P2RY8: variants seen among roughly 807,000 people sequenced by gnomAD.
P2RY8 encodes the protein P2Y receptor family member 8.
Under a neutral mutation model 10.0 loss-of-function variants are expected in P2RY8, and 6 were observed. The observed-to-expected ratio is 0.60, with a 90% CI of 0.33 to 1.19. The LOEUF is 1.19. Among genes scored for constraint, P2RY8 ranks in the 50% most tolerant of loss-of-function variants. The pLI is 0.04. For synonymous variants in P2RY8, 276 were observed against 252.5 expected (o/e 1.09, Z -0.88); for missense variants, 456 against 542.0 (o/e 0.84, Z 1.58).
chrX:1,506,526 G>A (rs868413214), intron 1 of P2RY8, among the ~76,000 whole-genome samples: 2 of 152,072 alleles, frequency 1.3e-5, no homozygotes, highest in Non-Finnish European at 2.9e-5. Flanking sequence ...AGGAGTCCAG[G>A]AAAGAAAGAA....
At chrX:1,493,109 G>C (rs1251384413) in intron 1 of P2RY8, among the ~76,000 whole-genome samples, 1 of 150,758 alleles carries the variant, frequency 6.6e-6, no homozygotes, top group Admixed American at 6.7e-5. Context: ...AACATAGTGA[G>C]ACCCCATCTC....
chrX:1,490,184 A>G (rs2092030218), intron 1 of P2RY8, among the ~76,000 whole-genome samples: 1 of 144,034 alleles, frequency 6.9e-6, no homozygotes, highest in Non-Finnish European at 1.5e-5. Flanking sequence ...GAATGAATGA[A>G]TGATACCCCA....
In P2RY8 at chrX:1,514,721, C is replaced by CCCTT. The variant is rs1381809706; in HGVS notation, c.-25+22196_-25+22199dup. ...TTCCCTTCCTTCCCTTCCTTCCCTTCCCTTCCCTTCCTTCCCTTCCTTCCC... is the reference window on the plus strand; with the variant it reads ...TTCCCTTCCTTCCCTTCCTTCCCTTCCCTTCCTTCCCTTCCTTCCCTTCCTTCCC... On this transcript the variant is annotated intron_variant, in intron 1 of 1. Transcript: ENST00000381297. Among the ~76,000 whole-genome samples, 4 of 2,690 alleles carry CCCTT rather than the reference C, an allele frequency of 1.5e-3. 1 individual carries two copies. Among genetic ancestry groups the CCCTT allele is most frequent in the African/African-American group, 2.5e-3 (4 of 1,616 alleles). 1.8% of individuals were successfully genotyped at this position (2,690 alleles called of 152,430 possible).
intron 1 of P2RY8, among the ~76,000 whole-genome samples, chrX:1,502,637 G>T (rs1569537795): frequency 1.3e-5 from 2 of 152,336 alleles, no homozygotes; most frequent in East Asian, 3.9e-4. Flanking sequence ...CCTGAGCCCT[G>T]CTATTTGGGG....
rs1236889023 is a variant in P2RY8 at position 1,464,660 on chromosome X, G to A, written c.*819C>T. On this transcript the variant is annotated 3_prime_UTR_variant, in exon 2 of 2. Coordinates refer to ENST00000381297, the MANE Select transcript of P2RY8 (RefSeq NM_178129.5). ...TGTCCTGAGTCAGGGAAGCCTGAGT[G>A]TGTTCCAGGGGCCTGATGGGACCTC... The A allele has an allele frequency of 8.6e-6, 2 of 233,410 alleles. No individual in the cohort carries two copies. The highest frequency in any genetic ancestry group is 1.7e-5 in the Non-Finnish European group (2 of 118,184). 14.5% of individuals were successfully genotyped at this position (233,410 alleles called of 1,614,324 possible).
At chrX:1,525,283 T>C (rs145463253) in intron 1 of P2RY8, among the ~76,000 whole-genome samples, 243 of 152,324 alleles carry the variant, frequency 1.6e-3, no homozygotes, top group African/African-American at 5.6e-3. Flanking sequence ...TATTTGGAAA[T>C]AGGATCTTTG....
chrX:1,508,914 C>A (rs1476524053), intron 1 of P2RY8, among the ~76,000 whole-genome samples: 2 of 150,712 alleles, frequency 1.3e-5, no homozygotes, highest in African/African-American at 4.9e-5. Flanking sequence ...TGTATCCATC[C>A]ATTCATTGTA....
rs2091665279 is a variant in P2RY8 at position 1,465,884 on chromosome X, C to G, written c.675G>C (p.Glu225Asp). 3 of 1,612,486 alleles carry G rather than the reference C, an allele frequency of 1.9e-6. No homozygotes were observed. Among genetic ancestry groups the G allele is most frequent in the Non-Finnish European group, 2.5e-6 (3 of 1,179,698 alleles). Residue 225 changes from glutamate to aspartate, a missense_variant, in exon 2 of 2, where the codon GAG becomes GAC. Glu to Asp is a conservative substitution (Grantham distance 45, BLOSUM62 2). Transcript: ENST00000381297. ...GCCTCCGCTGCTCCCGGCCGTGCGCCTCCTCCGTGCGCAACAGCTTGAGGA... is the reference window on the plus strand; with the variant it reads ...GCCTCCGCTGCTCCCGGCCGTGCGCGTCCTCCGTGCGCAACAGCTTGAGGA... The part of the protein sequence containing the change: ...ATILKLLRTE[E>D]AHGREQRRRA...
intron 1 of P2RY8, among the ~76,000 whole-genome samples, chrX:1,481,563 GA>G (rs1313349534): frequency 1.1e-5 from 1 of 91,292 alleles, no homozygotes; most frequent in Non-Finnish European, 2.1e-5. Flanking sequence ...TTGGGTTTAG[GA>G]GAGTCCAGCT....
chrX:1,468,940 TCCTCTCCCCTCTCC>T (rs1367484275), intron 1 of P2RY8, among the ~76,000 whole-genome samples: 1 of 614 alleles, frequency 1.6e-3, no homozygotes, highest in Non-Finnish European at 2.5e-3. Flanking sequence ...CTTCCCTCTC[TCCTCTCCCCTCTCC>T]CCTCTCCCCT....
At chrX:1,493,443 G>GGAGGGAGGGA (rs2092084303) in intron 1 of P2RY8, among the ~76,000 whole-genome samples, 1 of 101,622 alleles carries the variant, frequency 9.8e-6, no homozygotes, top group Non-Finnish European at 2.1e-5. Flanking sequence ...AGGGAAGGAG[G>GGAGGGAGGGA]AGGAAGGAGG....
At position 1,466,589 on chromosome X, in the gene P2RY8, G is replaced by C. The variant is rs1478869320; in HGVS notation, c.-24-7C>G. On this transcript the variant is annotated splice_region_variant and splice_polypyrimidine_tract_variant and intron_variant, in intron 1 of 1. Transcript: ENST00000381297. ...AGGGGTCCTCGCCCGGGCTCTGCAA[G>C]GGAAGGAGGGAAGGGTGTACGGGTC... The C allele has an allele frequency of 1.1e-5, 18 of 1,582,720 alleles. No individual in the cohort carries two copies. The Admixed American group carries it at 1.9e-4, about 16-fold the overall frequency.
chrX:1,507,036 G>GTT, intron 1 of P2RY8, among the ~76,000 whole-genome samples: 1 of 21,482 alleles, frequency 4.7e-5, no homozygotes, highest in Non-Finnish European at 1.8e-4. Context: ...CATGGATTCA[G>GTT]GGGTCCTAGG....
At chrX:1,488,538 C>A (rs1343317039) in intron 1 of P2RY8, among the ~76,000 whole-genome samples, 1 of 152,152 alleles carries the variant, frequency 6.6e-6, no homozygotes, top group African/African-American at 2.4e-5. Flanking sequence ...ACCTTCAACC[C>A]TCCTTCTTGG....
chrX:1,482,953 G>A (rs2149385629), intron 1 of P2RY8, among the ~76,000 whole-genome samples: 1 of 151,938 alleles, frequency 6.6e-6, no homozygotes, highest in Non-Finnish European at 1.5e-5. Flanking sequence ...TGGGGTGGGG[G>A]GACGGGGGAG....
In P2RY8 at chrX:1,464,914, G is replaced by A. The variant is rs1386177627; in HGVS notation, c.*565C>T. 1 of 234,746 alleles carries A rather than the reference G, an allele frequency of 4.3e-6. No homozygotes were observed. Among genetic ancestry groups the A allele is most frequent in the Admixed American group, 5.6e-5 (1 of 17,932 alleles). The allele number at this position is 234,746 out of a possible 1,614,324, so 14.5% of individuals were successfully genotyped here. Reference sequence around the variant, plus strand: ...CTGAGTGAAATAAACAGAAATTTCGGCGTGCACCGGGCTACGGAGACCAGA... The same window carrying A: ...CTGAGTGAAATAAACAGAAATTTCGACGTGCACCGGGCTACGGAGACCAGA... On this transcript the variant is annotated 3_prime_UTR_variant, in exon 2 of 2. Coordinates refer to ENST00000381297, the MANE Select transcript of P2RY8 (RefSeq NM_178129.5).
chrX:1,476,567 A>G (rs2091876336), intron 1 of P2RY8, among the ~76,000 whole-genome samples: 2 of 150,566 alleles, frequency 1.3e-5, no homozygotes, highest in South Asian at 4.3e-4. Context: ...AGCCTGGGTG[A>G]CAAAGTGAGA....
intron 1 of P2RY8, among the ~76,000 whole-genome samples, chrX:1,482,160 G>GTGT (rs1218871576): frequency 1.4e-5 from 2 of 146,972 alleles, no homozygotes; most frequent in African/African-American, 5.0e-5. Flanking sequence ...TTGTGTGTGT[G>GTGT]GTGTGTGTGT....
intron 1 of P2RY8, among the ~76,000 whole-genome samples, chrX:1,487,967 A>G (rs1453072126): frequency 4.6e-5 from 7 of 152,116 alleles, no homozygotes; most frequent in Non-Finnish European, 7.4e-5. Context: ...AAAATTAGCC[A>G]GGCGTGGTGG....
Sources: gnomAD v4.1 joint callset for allele counts (sites outside exome capture counted in the v4.1 genomes callset) on GRCh38, gnomAD v4.1.1 for gene constraint, MANE v1.5 for transcripts, NCBI Gene and HGNC (gene_info 2026-07-23, HGNC 2026-07-21) for gene names.